The following RMST variants were observed in gnomAD, a reference collection of about 807,000 sequenced individuals.
The protein encoded by RMST is long intergenic non-protein coding RNA 54.
intron 10 of RMST, among the ~76,000 whole-genome samples, chr12:97,507,286 T>A (rs571108886): frequency 0.038 from 5,593 of 148,280 alleles, 146 homozygotes; most frequent in Middle Eastern, 0.062. Context: ...CTTTTTTTTT[T>A]TAAAAAAAAA....
intron 10 of RMST, among the ~76,000 whole-genome samples, chr12:97,510,766 G>T (rs1879192678): frequency 1.3e-5 from 2 of 152,124 alleles, no homozygotes; most frequent in African/African-American, 4.8e-5. Context: ...CACCAAAATA[G>T]TCAAAAATTT....
chr12:97,492,796 C>CTCTA (rs1876999276), intron 6 of RMST: 1 of 152,090 alleles, frequency 6.6e-6, no homozygotes, highest in African/African-American at 2.4e-5. Context: ...CTTGAAGGTC[C>CTCTA]TCTATCTCAT....
chr12:97,480,432 T>C (rs1321482791), intron 5 of RMST, among the ~76,000 whole-genome samples: 1 of 152,196 alleles, frequency 6.6e-6, no homozygotes, highest in Non-Finnish European at 1.5e-5. Flanking sequence ...TCACTACCAC[T>C]GTTGTAGTTC....
chr12:97,558,968 G>T (rs949868754), intron 11 of RMST, among the ~76,000 whole-genome samples: 4 of 152,126 alleles, frequency 2.6e-5, no homozygotes, highest in Non-Finnish European at 5.9e-5. Context: ...TCTTCCTAGA[G>T]GGAATGTTCT....
At chr12:97,515,048 T>C (rs1477286132) in intron 10 of RMST, among the ~76,000 whole-genome samples, 1 of 152,180 alleles carries the variant, frequency 6.6e-6, no homozygotes, top group East Asian at 1.9e-4. Flanking sequence ...TACTGCGTGA[T>C]AGTAATTATA....
At chr12:97,504,289 A>G (rs577323699) in intron 10 of RMST, among the ~76,000 whole-genome samples, 34 of 152,030 alleles carry the variant, frequency 2.2e-4, no homozygotes, top group Non-Finnish European at 3.8e-4. Flanking sequence ...CTGTAGTCGC[A>G]GATACTTGGG....
At chr12:97,503,511 C>T (rs1203380688) in intron 10 of RMST, among the ~76,000 whole-genome samples, 1 of 150,582 alleles carries the variant, frequency 6.6e-6, no homozygotes, top group Non-Finnish European at 1.5e-5. Context: ...ACTTTGAGGA[C>T]TAATGACTGT....
chr12:97,514,914 A>G (rs1403572468), intron 10 of RMST, among the ~76,000 whole-genome samples: 1 of 152,152 alleles, frequency 6.6e-6, no homozygotes, highest in Non-Finnish European at 1.5e-5. Context: ...ATTAAGACCA[A>G]TTTCAGTACT....
Position 97,496,157 on chromosome 12 carries a change from G to A in RMST, n.1340+101G>A, listed in dbSNP as rs542628411. The A allele has an allele frequency of 2.6e-5, 4 of 152,164 alleles. No homozygotes were observed. In the East Asian group the frequency reaches 7.7e-4, roughly 29 times the overall value. 9.4% of individuals were successfully genotyped at this position (152,164 alleles called of 1,614,324 possible). On this transcript the variant is annotated intron_variant and non_coding_transcript_variant, in intron 10 of 13. Coordinates refer to ENST00000640149, the Ensembl canonical transcript of RMST. ...GGGGGGAGAAATGAAAGTAGGTTGGGGATGAAATGCCTGGGGTATTTAATC... is the reference window on the plus strand; with the variant it reads ...GGGGGGAGAAATGAAAGTAGGTTGGAGATGAAATGCCTGGGGTATTTAATC...
chr12:97,500,865 T>C (rs1444441632), intron 10 of RMST, among the ~76,000 whole-genome samples: 4 of 152,200 alleles, frequency 2.6e-5, no homozygotes, highest in African/African-American at 7.2e-5. Flanking sequence ...CAATCAACTA[T>C]GGATTGATAC....
chr12:97,471,721 T>G (rs926960918), intron 5 of RMST, among the ~76,000 whole-genome samples: 3 of 152,122 alleles, frequency 2.0e-5, no homozygotes, highest in Non-Finnish European at 4.4e-5. Flanking sequence ...GGGTGCACAA[T>G]GAGAATAGCA....
At chr12:97,487,422 A>T (rs1876232855) in intron 5 of RMST, among the ~76,000 whole-genome samples, 1 of 152,188 alleles carries the variant, frequency 6.6e-6, no homozygotes, top group South Asian at 2.1e-4. Context: ...AAGTTAAAAG[A>T]TCTAAATGTC....
At chr12:97,508,282 A>G (rs924353046) in intron 10 of RMST, among the ~76,000 whole-genome samples, 14 of 152,160 alleles carry the variant, frequency 9.2e-5, no homozygotes, top group African/African-American at 3.4e-4. Flanking sequence ...GTTTATAATG[A>G]AAGAAAAGAA....
chr12:97,497,768 C>A (rs1251474137), intron 10 of RMST, among the ~76,000 whole-genome samples: 1 of 151,330 alleles, frequency 6.6e-6, no homozygotes, highest in Non-Finnish European at 1.5e-5. Context: ...CAAAGAAACA[C>A]ATATAATGTG....
intron 10 of RMST, among the ~76,000 whole-genome samples, chr12:97,518,901 C>T (rs1880217602): frequency 6.6e-6 from 1 of 151,846 alleles, no homozygotes; most frequent in South Asian, 2.1e-4. Context: ...TCCAGAGTAG[C>T]TGAGACTACA....
At chr12:97,479,133 C>CTTTTTTTTTTTTTT (rs386377507) in intron 5 of RMST, among the ~76,000 whole-genome samples, 24 of 69,044 alleles carry the variant, frequency 3.5e-4, no homozygotes, top group African/African-American at 6.8e-4. Flanking sequence ...CTTGTCTTTG[C>CTTTTTTTTTTTTTT]TTTTTTTTTT....
At chr12:97,552,160 GT>G (rs1883354277) in intron 11 of RMST, 1 of 152,138 alleles carries the variant, frequency 6.6e-6, no homozygotes, top group South Asian at 2.1e-4. Flanking sequence ...TTTCTAGAAA[GT>G]TAATTTTAAT....
chr12:97,477,484 A>C (rs1447393830), intron 5 of RMST, among the ~76,000 whole-genome samples: 9 of 152,206 alleles, frequency 5.9e-5, no homozygotes, highest in Non-Finnish European at 1.0e-4. Context: ...AAGGGGGATA[A>C]ATTTAATAGT....
chr12:97,542,814 G>A (rs527968393), intron 11 of RMST, among the ~76,000 whole-genome samples: 1 of 152,016 alleles, frequency 6.6e-6, no homozygotes, highest in East Asian at 1.9e-4. Context: ...TTTGTCATTA[G>A]CTTGTCAAGC....
Sources: allele counts gnomAD v4.1 joint callset (sites outside exome capture counted in the v4.1 genomes callset), GRCh38; gene constraint gnomAD v4.1.1; transcripts MANE v1.5; gene names NCBI Gene and HGNC (gene_info 2026-07-23, HGNC 2026-07-21).